CDK14: variants seen among roughly 807,000 people sequenced by gnomAD.
CDK14 encodes the protein cyclin dependent kinase 14.
In CDK14, 34 loss-of-function variants were observed where a neutral mutation model predicts 60.7. The ratio of observed to expected loss-of-function variants is 0.56; its 90% CI spans 0.43 to 0.75. The LOEUF (loss-of-function observed/expected upper bound fraction) is 0.75, where lower values mean the gene tolerates loss of function less well. Among genes scored for constraint, CDK14 ranks in the 30% least tolerant of loss-of-function variants. The pLI, the probability that CDK14 is intolerant of heterozygous loss-of-function variation, is 0.00. For missense variants in CDK14, 482 were observed against 564.1 expected, an observed-to-expected ratio of 0.85 and a Z score of 1.47; for synonymous variants, 197 against 203.7, an observed-to-expected ratio of 0.97 and a Z score of 0.28.
intron 2 of CDK14, among the ~76,000 whole-genome samples, chr7:90,718,146 C>A (rs1481072243): frequency 1.3e-5 from 2 of 152,010 alleles, no homozygotes; most frequent in African/African-American, 4.8e-5. Context: ...GCCAGATGCT[C>A]TACAACGTGT....
intron 14 of CDK14, among the ~76,000 whole-genome samples, chr7:91,134,524 T>G (rs1384811581): frequency 6.6e-6 from 1 of 152,152 alleles, no homozygotes; most frequent in Admixed American, 6.6e-5. Context: ...ATCTTTTGTT[T>G]GTACTCTTTG....
At chr7:90,923,326 G>A (rs546387968) in intron 8 of CDK14, among the ~76,000 whole-genome samples, 1 of 152,108 alleles carries the variant, frequency 6.6e-6, no homozygotes, top group East Asian at 1.9e-4. Flanking sequence ...AGCCAGAATG[G>A]TCTCGATCTC....
At chr7:91,184,844 T>C (rs964074352) in intron 14 of CDK14, among the ~76,000 whole-genome samples, 2 of 151,778 alleles carry the variant, frequency 1.3e-5, no homozygotes, top group Admixed American at 6.6e-5. Context: ...CTGTATGCAG[T>C]TGGGGGCAGG....
chr7:90,773,717 CTG>C (rs1329231779), intron 4 of CDK14, among the ~76,000 whole-genome samples: 2 of 151,954 alleles, frequency 1.3e-5, no homozygotes, highest in African/African-American at 2.4e-5. Context: ...AATTTATTGA[CTG>C]TGTATAAAAC....
At chr7:90,701,820 G>A (rs746633094) in intron 2 of CDK14, among the ~76,000 whole-genome samples, 2 of 152,138 alleles carry the variant, frequency 1.3e-5, no homozygotes, top group Non-Finnish European at 2.9e-5. Flanking sequence ...GCACCTCAGC[G>A]GGTGCTATCT....
chr7:91,074,369 A>G (rs1021611137), intron 11 of CDK14, among the ~76,000 whole-genome samples: 1 of 152,226 alleles, frequency 6.6e-6, no homozygotes, highest in African/African-American at 2.4e-5. Context: ...ACACAATTAC[A>G]TGGAAATTGA....
At chr7:90,973,635 T>A (rs1794988948) in intron 9 of CDK14, among the ~76,000 whole-genome samples, 1 of 152,114 alleles carries the variant, frequency 6.6e-6, no homozygotes, top group Non-Finnish European at 1.5e-5. Context: ...AGAGAAAGAA[T>A]ACAAAGAGAG....
intron 12 of CDK14, among the ~76,000 whole-genome samples, chr7:91,099,476 C>G (rs1799096658): frequency 1.3e-5 from 2 of 152,124 alleles, no homozygotes; most frequent in South Asian, 2.1e-4. Flanking sequence ...TCTTTATTCT[C>G]CAAATAGTAT....
At chr7:90,929,485 C>T (rs1324382840) in intron 8 of CDK14, among the ~76,000 whole-genome samples, 1 of 152,154 alleles carries the variant, frequency 6.6e-6, no homozygotes, top group South Asian at 2.1e-4. Context: ...ATGTTAACAA[C>T]TTTTTGTTGT....
At chr7:91,123,337 A>T (rs1220653254) in intron 14 of CDK14, among the ~76,000 whole-genome samples, 1 of 152,036 alleles carries the variant, frequency 6.6e-6, no homozygotes, top group Non-Finnish European at 1.5e-5. Flanking sequence ...TTCCTATTAA[A>T]CATCTGCAGT....
At chr7:90,982,470 A>G (rs1402827845) in intron 9 of CDK14, among the ~76,000 whole-genome samples, 1 of 152,206 alleles carries the variant, frequency 6.6e-6, no homozygotes. Context: ...TCCAACCTAG[A>G]TAAAATGAAA....
chr7:91,125,703 C>A (rs1490983515), intron 14 of CDK14, among the ~76,000 whole-genome samples: 1 of 152,106 alleles, frequency 6.6e-6, no homozygotes, highest in African/African-American at 2.4e-5. Flanking sequence ...AAGTTAGAGT[C>A]ATTGGTGGAA....
At chr7:91,173,836 C>A (rs2115820881) in intron 14 of CDK14, among the ~76,000 whole-genome samples, 1 of 152,296 alleles carries the variant, frequency 6.6e-6, no homozygotes, top group East Asian at 1.9e-4. Context: ...ATTGCTAGCA[C>A]AGCAGTCTGA....
chr7:91,109,996 G>C (rs913919947), intron 12 of CDK14, among the ~76,000 whole-genome samples: 4 of 151,904 alleles, frequency 2.6e-5, no homozygotes, highest in East Asian at 3.9e-4. Flanking sequence ...ATTGAAAAAA[G>C]TCTCCCATCA....
intron 9 of CDK14, among the ~76,000 whole-genome samples, chr7:90,969,776 A>C (rs1344359952): frequency 6.6e-6 from 1 of 151,106 alleles, no homozygotes; most frequent in Non-Finnish European, 1.5e-5. Context: ...CATATTTTTC[A>C]TTTTTCTTTT....
chr7:90,624,512 T>A (rs1208358803), intron 2 of CDK14, among the ~76,000 whole-genome samples: 1 of 152,064 alleles, frequency 6.6e-6, no homozygotes, highest in African/African-American at 2.4e-5. Flanking sequence ...ATTCTTTAGG[T>A]ACCTCAAGAG....
chr7:91,145,947 TTTATTTA>T (rs1800621366), intron 14 of CDK14, among the ~76,000 whole-genome samples: 3 of 151,674 alleles, frequency 2.0e-5, no homozygotes, highest in Non-Finnish European at 2.9e-5. Context: ...TATTTATTTA[TTTATTTA>T]TTTTTTATGT....
At chr7:90,710,267 T>G in intron 2 of CDK14, 1 of 985,316 alleles carries the variant, frequency 1.0e-6, no homozygotes, top group Non-Finnish European at 1.2e-6. Flanking sequence ...TTGCCATATC[T>G]GAGTCTTATT....
At chr7:90,716,132 A>G (rs755032765) in intron 2 of CDK14, among the ~76,000 whole-genome samples, 2 of 151,842 alleles carry the variant, frequency 1.3e-5, no homozygotes, top group Admixed American at 1.3e-4. Context: ...CCTTTTTGGG[A>G]TATTTAATGT....
Sources: gnomAD v4.1 joint callset for allele counts (sites outside exome capture counted in the v4.1 genomes callset) on GRCh38, gnomAD v4.1.1 for gene constraint, MANE v1.5 for transcripts, NCBI Gene and HGNC (gene_info 2026-07-23, HGNC 2026-07-21) for gene names.